INSR: variants seen among roughly 807,000 people sequenced by gnomAD.
INSR encodes IR.
In INSR, 67 loss-of-function variants were observed where a neutral mutation model predicts 142.6. The ratio of observed to expected loss-of-function variants is 0.47; its 90% CI spans 0.39 to 0.58. The LOEUF (loss-of-function observed/expected upper bound fraction) is 0.58, where lower values mean the gene tolerates loss of function less well. Among genes scored for constraint, INSR ranks in the 20% least tolerant of loss-of-function variants. The probability of loss-of-function intolerance (pLI) is 0.00; values close to 1 mark genes in which losing one functional copy is unlikely to be tolerated. For synonymous variants in INSR, 756 were observed against 743.1 expected (o/e 1.02, Z -0.28); for missense variants, 1,248 against 1,833.2 (o/e 0.68, Z 5.83).
rs1414011806 is a variant in INSR, at chr19:7,270,339, T to TCTCACACA, written c.101-2444_101-2443insTGTGTGAG. 2.5e-4 allele frequency among the ~76,000 whole-genome samples: 30 copies of TCTCACACA among 120,310 alleles called. 1 individual carries two copies. The highest frequency in any genetic ancestry group is 1.4e-3 in the South Asian group (5 of 3,644). The allele number at this position is 120,310 out of a possible 152,430, so 78.9% of individuals were successfully genotyped here. Reference sequence around the variant, plus strand: ...ATTTCTCTCTCTCTCTCTCTCTCTCTCACACACACACACACACACACACAC... The same window carrying TCTCACACA: ...ATTTCTCTCTCTCTCTCTCTCTCTCTCTCACACACACACACACACACACACACACACAC... On this transcript the variant is annotated intron_variant, in intron 1 of 21. Transcript: ENST00000302850.
chr19:7,141,604 G>A (rs574117623), intron 13 of INSR, 73 bp downstream of exon 13: 1 of 1,598,126 alleles, frequency 6.3e-7, no homozygotes, highest in South Asian at 1.1e-5. Context: ...AGCAGAGGAA[G>A]GAGGTACCAA....
intron 2 of INSR, among the ~76,000 whole-genome samples, chr19:7,229,882 C>G (rs1384609229): frequency 6.6e-6 from 1 of 151,500 alleles, no homozygotes; most frequent in Non-Finnish European, 1.5e-5. Flanking sequence ...GCTCCCACCT[C>G]AGCCTCCCAA....
chr19:7,157,760 G>T (rs1973634708), intron 9 of INSR, among the ~76,000 whole-genome samples: 1 of 151,716 alleles, frequency 6.6e-6, no homozygotes, highest in East Asian at 1.9e-4. Context: ...GGTGCCTGGT[G>T]ACTGCTGAGC....
intron 2 of INSR, among the ~76,000 whole-genome samples, chr19:7,232,917 T>TA (rs1180826119): frequency 1.3e-5 from 2 of 152,232 alleles, no homozygotes; most frequent in African/African-American, 4.8e-5. Context: ...ACAATGTAAC[T>TA]ACCATGTTTA....
intron 3 of INSR, among the ~76,000 whole-genome samples, chr19:7,183,343 G>C (rs966091738): frequency 3.3e-5 from 5 of 151,660 alleles, no homozygotes; most frequent in African/African-American, 1.2e-4. Context: ...CCAGGAAACA[G>C]ATTTTTGCAA....
At chr19:7,140,292 G>A (rs1973037352) in intron 13 of INSR, among the ~76,000 whole-genome samples, 1 of 152,094 alleles carries the variant, frequency 6.6e-6, no homozygotes, top group African/African-American at 2.4e-5. Flanking sequence ...TTAGTTGTTG[G>A]CAAACTCTGG....
intron 2 of INSR, among the ~76,000 whole-genome samples, chr19:7,228,368 A>G (rs946723978): frequency 6.6e-6 from 1 of 152,230 alleles, no homozygotes; most frequent in African/African-American, 2.4e-5. Context: ...TCTTGCATCT[A>G]TGAGACAATC....
chr19:7,125,520 T>C lies in INSR; in HGVS notation c.3021A>G (p.Pro1007=), dbSNP rs890719760. Residue 1007 remains proline (P), a synonymous_variant, in exon 17 of 22, where the codon CCA becomes CCG. Transcript: ENST00000302850. This position sits in a 1 kb window ranked among gnomAD's most constrained non-coding sequence, Gnocchi z 4.9. The part of the protein sequence containing the change: ...PEYLSASDVF[P]CSVYVPDEWE... ...ACTCGTCCGGCACGTACACAGAGCA[T>C]GGAAACACTACTTCTTACTTATCTA... 1.9e-6 allele frequency: 3 copies of C among 1,613,452 alleles called. No homozygotes were observed. Among genetic ancestry groups the C allele is most frequent in the Non-Finnish European group, 2.5e-6 (3 of 1,179,942 alleles).
chr19:7,269,198 T>C (rs1967835746), intron 1 of INSR, among the ~76,000 whole-genome samples: 1 of 134,918 alleles, frequency 7.4e-6, no homozygotes, highest in South Asian at 2.3e-4. Context: ...TAAAGAAGAA[T>C]AGTAAATCCT....
intron 2 of INSR, among the ~76,000 whole-genome samples, chr19:7,195,618 G>T (rs991020809): frequency 2.6e-5 from 4 of 151,532 alleles, no homozygotes; most frequent in Admixed American, 6.6e-5. Flanking sequence ...CTCTAGCCTG[G>T]GTGACAGAGT....
intron 2 of INSR, among the ~76,000 whole-genome samples, chr19:7,263,201 T>G (rs1467191859): frequency 1.3e-5 from 2 of 150,986 alleles, no homozygotes; most frequent in African/African-American, 4.9e-5. Context: ...ATCATTTGAA[T>G]CCAGGAGGCG....
At position 7,192,396 on chromosome 19, in the gene INSR, C is replaced by G. The variant is rs997935253; in HGVS notation, c.653-7759G>C. 1.3e-5 allele frequency among the ~76,000 whole-genome samples: 2 copies of G among 151,958 alleles called. No homozygotes were observed. The highest frequency in any genetic ancestry group is 2.4e-5 in the African/African-American group (1 of 41,346). ...AGCAGCTTCTTCTGGTGAGAGAGAC[C>G]GCAAAGTGAAGACATTATGAAAGCC... is the stretch of plus-strand genomic sequence containing the variant. On this transcript the variant is annotated intron_variant, in intron 2 of 21. Coordinates refer to ENST00000302850, the MANE Select transcript of INSR (RefSeq NM_000208.4). This position sits in a 1 kb window ranked among gnomAD's most constrained non-coding sequence, Gnocchi z 4.2.
intron 2 of INSR, among the ~76,000 whole-genome samples, chr19:7,238,370 A>C (rs529438844): frequency 6.6e-6 from 1 of 152,300 alleles, no homozygotes; most frequent in Admixed American, 6.5e-5. Flanking sequence ...CTGTAATCCC[A>C]GTACTTTGAG....
chr19:7,205,332 C>T (rs560879852), intron 2 of INSR, among the ~76,000 whole-genome samples: 2 of 152,202 alleles, frequency 1.3e-5, no homozygotes, highest in African/African-American at 4.8e-5. Context: ...GGGGCTGAAA[C>T]GCCCGGGTTG....
chr19:7,135,498 G>C (rs1390709042), intron 13 of INSR, among the ~76,000 whole-genome samples: 1 of 146,700 alleles, frequency 6.8e-6, no homozygotes, highest in East Asian at 2.0e-4. Flanking sequence ...GGGCAACAAA[G>C]CAAGACTCTG....
intron 2 of INSR, among the ~76,000 whole-genome samples, chr19:7,197,516 G>GGGGGTGTGTGTGTGTGTGTGTGTGT (rs1974790392): frequency 1.4e-5 from 1 of 70,856 alleles, no homozygotes; most frequent in Non-Finnish European, 2.8e-5. Context: ...TGGGAGTGGG[G>GGGGGTGTGTGTGTGTGTGTGTGTGT]GTGTGTGTGT....
chr19:7,249,142 T>G (rs1410917310), intron 2 of INSR, among the ~76,000 whole-genome samples: 1 of 152,144 alleles, frequency 6.6e-6, no homozygotes, highest in South Asian at 2.1e-4. Flanking sequence ...TTGACAAATT[T>G]AAGACCATCC....
At chr19:7,238,820 C>A (rs1320874557) in intron 2 of INSR, among the ~76,000 whole-genome samples, 1 of 151,688 alleles carries the variant, frequency 6.6e-6, no homozygotes, top group Non-Finnish European at 1.5e-5. Context: ...ATGCTTCAAT[C>A]AGGAAGGGGT....
At chr19:7,213,083 C>T (rs543716386) in intron 2 of INSR, among the ~76,000 whole-genome samples, 18 of 152,220 alleles carry the variant, frequency 1.2e-4, no homozygotes, top group Non-Finnish European at 2.2e-4. Context: ...CGGTGGCTCA[C>T]GCCTGTAATC....
Sources: gnomAD v4.1 joint callset for allele counts (sites outside exome capture counted in the v4.1 genomes callset) on GRCh38, gnomAD v4.1.1 for gene constraint, Gnocchi (gnomAD v3.1) non-coding constraint, MANE v1.5 for transcripts, NCBI Gene and HGNC (gene_info 2026-07-23, HGNC 2026-07-21) for gene names.